The following EVA1C variants were observed in gnomAD, a reference collection of about 807,000 sequenced individuals.
EVA1C encodes protein eva-1 homolog C.
EVA1C carries 25 observed loss-of-function variants against 45.4 expected under a neutral mutation model. The ratio of observed to expected loss-of-function variants is 0.55; its 90% CI spans 0.40 to 0.77. The LOEUF (loss-of-function observed/expected upper bound fraction) is 0.77, where lower values mean the gene tolerates loss of function less well. Ranked by LOEUF, EVA1C falls within the 30% of genes least tolerant of loss-of-function variation. The pLI is 0.00. For missense variants in EVA1C, 479 were observed against 554.8 expected (o/e 0.86, Z 1.37); for synonymous variants, 190 against 221.2 (o/e 0.86, Z 1.25).
chr21:32,421,680 AT>A (rs1336145129), intron 1 of EVA1C, among the ~76,000 whole-genome samples: 3 of 152,204 alleles, frequency 2.0e-5, no homozygotes, highest in Admixed American at 6.5e-5. Context: ...GCTGATTATG[AT>A]CACACAATTC....
At chr21:32,471,606 G>A (rs1444671363) in intron 4 of EVA1C, among the ~76,000 whole-genome samples, 2 of 151,290 alleles carry the variant, frequency 1.3e-5, no homozygotes, top group South Asian at 2.1e-4. Context: ...GATTACAGGC[G>A]TGAGCCACTG....
chr21:32,500,140 A>G (rs2037479539), intron 5 of EVA1C, among the ~76,000 whole-genome samples: 1 of 146,514 alleles, frequency 6.8e-6, no homozygotes, highest in African/African-American at 2.5e-5. Context: ...GGTCACAGTC[A>G]TTTTGCTTTA....
intron 4 of EVA1C, among the ~76,000 whole-genome samples, chr21:32,470,781 T>C (rs1042449010): frequency 2.0e-5 from 3 of 150,376 alleles, no homozygotes; most frequent in African/African-American, 4.9e-5. Flanking sequence ...TTTTTTGAGA[T>C]GGAGTCTCCC....
At chr21:32,481,692 T>C (rs908558478) in intron 4 of EVA1C, among the ~76,000 whole-genome samples, 3 of 152,208 alleles carry the variant, frequency 2.0e-5, no homozygotes, top group African/African-American at 7.2e-5. Flanking sequence ...AATTTCATTC[T>C]CCTTTTAAAG....
intron 3 of EVA1C, among the ~76,000 whole-genome samples, chr21:32,466,418 C>CA (rs201044286): frequency 0.034 from 2,905 of 84,852 alleles, 38 homozygotes; most frequent in Non-Finnish European, 0.046. Flanking sequence ...GATTCCGTCT[C>CA]AAAAAAAAAA....
chr21:32,492,992 T>C (rs1195431144), intron 4 of EVA1C, among the ~76,000 whole-genome samples: 2 of 152,172 alleles, frequency 1.3e-5, no homozygotes, highest in Non-Finnish European at 2.9e-5. Flanking sequence ...CATGCACAAG[T>C]GTGTGTATTA....
At chr21:32,422,416 G>A (rs1198359408) in intron 1 of EVA1C, among the ~76,000 whole-genome samples, 1 of 152,022 alleles carries the variant, frequency 6.6e-6, no homozygotes, top group East Asian at 1.9e-4. Flanking sequence ...AGGAGAGAGA[G>A]GCAACACTCA....
intron 1 of EVA1C, among the ~76,000 whole-genome samples, chr21:32,419,139 CT>C (rs989624999): frequency 1.7e-4 from 26 of 151,958 alleles, no homozygotes; most frequent in African/African-American, 5.3e-4. Context: ...TTTTTTAAAA[CT>C]TTTATTTTAG....
chr21:32,451,157 C>T (rs1005714251), intron 1 of EVA1C, among the ~76,000 whole-genome samples: 9 of 152,066 alleles, frequency 5.9e-5, no homozygotes, highest in Admixed American at 4.6e-4. Context: ...CTGGATTTTC[C>T]GAGAATTATG....
intron 2 of EVA1C, among the ~76,000 whole-genome samples, chr21:32,455,380 C>A (rs2035741726): frequency 1.3e-5 from 2 of 152,192 alleles, no homozygotes; most frequent in Non-Finnish European, 2.9e-5. Flanking sequence ...ATGGTCTAAT[C>A]ACCTCTTAAA....
chr21:32,508,293 C>T (rs576440739), intron 7 of EVA1C, among the ~76,000 whole-genome samples: 1 of 152,334 alleles, frequency 6.6e-6, no homozygotes, highest in African/African-American at 2.4e-5. Context: ...CCCCTGCCCC[C>T]TTGGGACAGT....
chr21:32,450,218 G>A (rs1021323333), intron 1 of EVA1C, among the ~76,000 whole-genome samples: 2 of 152,158 alleles, frequency 1.3e-5, no homozygotes, highest in African/African-American at 2.4e-5. Flanking sequence ...GTTCTGTTTA[G>A]CGGGGATAGA....
At chr21:32,425,974 A>T (rs1372066914) in intron 1 of EVA1C, among the ~76,000 whole-genome samples, 4 of 149,070 alleles carry the variant, frequency 2.7e-5, no homozygotes, top group Non-Finnish European at 6.0e-5. Flanking sequence ...TTTTTTTTTT[A>T]AATCAGAGTT....
chr21:32,467,350 G>GGAAT (rs1454546245), intron 3 of EVA1C, among the ~76,000 whole-genome samples: 1 of 152,174 alleles, frequency 6.6e-6, no homozygotes, highest in Non-Finnish European at 1.5e-5. Flanking sequence ...CTTCAGTGAA[G>GGAAT]GAATGTGTGA....
At chr21:32,500,817 CT>C (rs35107337) in intron 5 of EVA1C, among the ~76,000 whole-genome samples, 1,475 of 147,040 alleles carry the variant, frequency 0.01, 18 homozygotes, top group Middle Eastern at 0.035. Flanking sequence ...CGGTACTTCA[CT>C]TTTTTTTTTT....
intron 1 of EVA1C, among the ~76,000 whole-genome samples, chr21:32,425,120 G>A (rs900553232): frequency 3.3e-5 from 5 of 151,390 alleles, no homozygotes; most frequent in Non-Finnish European, 7.4e-5. Context: ...AGATCAGCCT[G>A]GCAAACATGG....
At chr21:32,449,999 G>C (rs1464752450) in intron 1 of EVA1C, among the ~76,000 whole-genome samples, 2 of 152,170 alleles carry the variant, frequency 1.3e-5, no homozygotes, top group Non-Finnish European at 2.9e-5. Flanking sequence ...TTTGTACTTG[G>C]AATGTGCTAG....
At chr21:32,433,579 A>T (rs2034799834) in intron 1 of EVA1C, among the ~76,000 whole-genome samples, 1 of 152,226 alleles carries the variant, frequency 6.6e-6, no homozygotes, top group Admixed American at 6.5e-5. Context: ...TGTGGCCACA[A>T]CAAATTTAGG....
At chr21:32,508,302 G>C (rs1424682022) in intron 7 of EVA1C, among the ~76,000 whole-genome samples, 1 of 152,230 alleles carries the variant, frequency 6.6e-6, no homozygotes, top group Non-Finnish European at 1.5e-5. Flanking sequence ...CCTTGGGACA[G>C]TGACAGATAT....
Sources: allele counts gnomAD v4.1 joint callset (sites outside exome capture counted in the v4.1 genomes callset), GRCh38; gene constraint gnomAD v4.1.1; transcripts MANE v1.5; gene names NCBI Gene and HGNC (gene_info 2026-07-23, HGNC 2026-07-21).